The following ADGRG1 variants were observed in gnomAD, a reference collection of about 807,000 sequenced individuals.
The protein encoded by ADGRG1 is adhesion G protein-coupled receptor G1, also known as 7-transmembrane protein with no EGF-like N-terminal domains-1.
A neutral mutation model predicts 73.5 loss-of-function variants in ADGRG1; 53 were observed. That is an observed-to-expected ratio of 0.72 (90% CI 0.58 to 0.91). The LOEUF (loss-of-function observed/expected upper bound fraction) is 0.91, where lower values mean the gene tolerates loss of function less well. ADGRG1 is among the 40% of genes least tolerant of loss of function. ADGRG1 has a pLI of 0.00. For missense variants in ADGRG1, 795 were observed against 871.8 expected (o/e 0.91, Z 1.11); for synonymous variants, 394 against 374.4 (o/e 1.05, Z -0.60).
At chr16:57,658,451 A>ACC (rs1177582178) in intron 10 of ADGRG1, among the ~76,000 whole-genome samples, 3 of 152,196 alleles carry the variant, frequency 2.0e-5, no homozygotes, top group Non-Finnish European at 4.4e-5. Flanking sequence ...GAGGAGAGGC[A>ACC]CCCTCGGTTC....
At chr16:57,643,797 TGGGGAGTGGGAATGGGGGA>T (rs2041479133) in intron 1 of ADGRG1, 5 of 977,130 alleles carry the variant, frequency 5.1e-6, no homozygotes, top group Non-Finnish European at 4.8e-6. Flanking sequence ...GTCACTCACT[TGGGGAGTGGGAATGGGGGA>T]GGGGAGTGGG....
chr16:57,651,813 C>T (rs1284769151), intron 3 of ADGRG1, 191 bp downstream of exon 3: 1 of 1,471,452 alleles, frequency 6.8e-7, no homozygotes, highest in East Asian at 2.5e-5. Flanking sequence ...CAGGCATGAA[C>T]CACTGCGCTC....
Position 57,663,599 on chromosome 16 carries a change from C to A in ADGRG1, c.*17C>A, listed in dbSNP as rs777423319. On this transcript the variant is annotated 3_prime_UTR_variant, in exon 14 of 14. Transcript: ENST00000562631. ...CGCATCTAGGCCTCCAGCCCACCTG[C>A]CCATGTGATGAAGCAGAGATTCGGC... 46 of 1,611,172 alleles carry A rather than the reference C, an allele frequency of 2.9e-5. No individual in the cohort carries two copies. Among genetic ancestry groups the A allele is most frequent in the Non-Finnish European group, 3.4e-5 (40 of 1,179,596 alleles).
intron 1 of ADGRG1, chr16:57,632,116 T>G (rs1425939249): frequency 1.0e-6 from 1 of 985,340 alleles, no homozygotes; most frequent in Non-Finnish European, 1.2e-6. Context: ...ATGAGGACAT[T>G]GAGGCAGGGG....
At chr16:57,641,364 A>C (rs144338344) in intron 1 of ADGRG1, 1 of 984,462 alleles carries the variant, frequency 1.0e-6, no homozygotes, top group Non-Finnish European at 1.2e-6. Context: ...GGAGATGGCC[A>C]GGTGGAGACT....
chr16:57,652,660 T>C (rs1017146884), intron 3 of ADGRG1: 48 of 987,106 alleles, frequency 4.9e-5, no homozygotes, highest in Non-Finnish European at 5.7e-5. Flanking sequence ...ATTCAAAAGA[T>C]GGAGCTACCC....
intron 4 of ADGRG1, 24 bp from the exon 5 acceptor site, chr16:57,653,962 C>T: frequency 3.1e-6 from 5 of 1,613,602 alleles, no homozygotes; most frequent in Non-Finnish European, 3.4e-6. Context: ...CCCACCATCA[C>T]CACCGCTTTC....
upstream of ADGRG1, chr16:57,624,630 G>C: frequency 1.8e-6 from 1 of 550,784 alleles, no homozygotes; most frequent in Non-Finnish European, 2.3e-6. Context: ...CAGAGGGTTA[G>C]AGATAGAAAA....
intron 1 of ADGRG1, 138 bp from the exon 2 acceptor site, chr16:57,650,115 G>A (rs1460833073): frequency 1.3e-6 from 2 of 1,502,074 alleles, no homozygotes; most frequent in African/African-American, 2.8e-5. Flanking sequence ...GCCGCTCTGG[G>A]GAGGTCCATG....
intron 1 of ADGRG1, among the ~76,000 whole-genome samples, chr16:57,633,711 G>T (rs2038615285): frequency 6.6e-6 from 1 of 152,226 alleles, no homozygotes; most frequent in Admixed American, 6.5e-5. Context: ...AGTGCTGAGT[G>T]CAGGGCTGGG....
At chr16:57,623,152 G>A (rs531089769), upstream of ADGRG1, 9 of 974,218 alleles carry the variant, frequency 9.2e-6, no homozygotes, top group African/African-American at 1.6e-4. Flanking sequence ...CTCCTTGACA[G>A]GGTTGTGGGG....
rs182260127 is a variant in ADGRG1 at position 57,636,352 on chromosome 16, C to T, written c.-36+7550C>T. On this transcript the variant is annotated intron_variant, in intron 1 of 13. Coordinates refer to ENST00000562631, the MANE Select transcript of ADGRG1 (RefSeq NM_201525.4). ...GCCCCAGTGGCATAGGAAAGGCATGCGCTCCCAGGCTTCCATGCTGTGGGA... is the reference window on the plus strand; with the variant it reads ...GCCCCAGTGGCATAGGAAAGGCATGTGCTCCCAGGCTTCCATGCTGTGGGA... 4.1e-4 allele frequency: 400 copies of T among 985,354 alleles called. 3 individuals are homozygous for T. The African/African-American group carries it at 6.3e-3, about 16-fold the overall frequency. The allele number at this position is 985,354 out of a possible 1,614,324, so 61.0% of individuals were successfully genotyped here.
upstream of ADGRG1, chr16:57,624,245 A>T: frequency 2.4e-6 from 2 of 821,742 alleles, no homozygotes; most frequent in Non-Finnish European, 2.9e-6. Flanking sequence ...CACACCTGTA[A>T]TCCCAGCGCT....
chr16:57,650,235 A>C lies in ADGRG1; in HGVS notation c.-35-18A>C. 6.3e-7 allele frequency: 1 copy of C among 1,586,976 alleles called. No homozygotes were observed. Among genetic ancestry groups the C allele is most frequent in the South Asian group, 1.1e-5 (1 of 90,506 alleles). On this transcript the variant is annotated intron_variant, in intron 1 of 13. Coordinates refer to ENST00000562631, the MANE Select transcript of ADGRG1 (RefSeq NM_201525.4). ...CACACAGTCCACACTCCCAGCTAAC[A>C]CTCCTGGTCTCTTCCAGGTGGTGAC...
At chr16:57,646,365 GT>G in intron 1 of ADGRG1, 1 of 982,626 alleles carries the variant, frequency 1.0e-6, no homozygotes, top group Non-Finnish European at 1.2e-6. Flanking sequence ...TGGGCTGGTG[GT>G]GGGGTGGGGG....
At chr16:57,662,542 C>CA (rs1180455023) in intron 13 of ADGRG1, among the ~76,000 whole-genome samples, 1 of 152,134 alleles carries the variant, frequency 6.6e-6, no homozygotes, top group African/African-American at 2.4e-5. Flanking sequence ...CACAAATGCC[C>CA]AAGGGGTCAC....
upstream of ADGRG1, chr16:57,625,775 C>A: frequency 2.3e-6 from 1 of 433,980 alleles, no homozygotes; most frequent in Non-Finnish European, 3.1e-6. Context: ...GATTTAAGCC[C>A]AAACTCTACA....
chr16:57,656,121 G>A, intron 7 of ADGRG1, 105 bp from the exon 8 acceptor site: 1 of 1,613,544 alleles, frequency 6.2e-7, no homozygotes, highest in Non-Finnish European at 8.5e-7. Flanking sequence ...GTCCAAATGG[G>A]GCGGGTGGTG....
chr16:57,660,724 C>T (rs760757390), intron 11 of ADGRG1, 44 bp from the exon 12 acceptor site: 4 of 1,487,354 alleles, frequency 2.7e-6, no homozygotes, highest in Non-Finnish European at 1.9e-6. Context: ...AATGGGCAGG[C>T]CTCAGAGAGC....
Sources: allele counts gnomAD v4.1 joint callset (sites outside exome capture counted in the v4.1 genomes callset), GRCh38; gene constraint gnomAD v4.1.1; transcripts MANE v1.5; gene names NCBI Gene and HGNC (gene_info 2026-07-23, HGNC 2026-07-21).